The following OOEP variants were observed in gnomAD, a reference collection of about 807,000 sequenced individuals.
The protein encoded by OOEP is oocyte expressed protein.
OOEP carries 16 observed loss-of-function variants against 13.7 expected under a neutral mutation model. The ratio of observed to expected loss-of-function variants is 1.16; its 90% CI spans 0.79 to 1.77. OOEP has a LOEUF of 1.77. Among genes scored for constraint, OOEP ranks in the 40% most tolerant of loss-of-function variants. The pLI is 0.00. For missense variants in OOEP, 195 were observed against 193.1 expected (o/e 1.01, Z -0.06); for synonymous variants, 89 against 77.1 (o/e 1.15, Z -0.81).
chr6:73,385,014 G>A (rs1030328009), intron 2 of OOEP, among the ~76,000 whole-genome samples: 1 of 150,214 alleles, frequency 6.7e-6, no homozygotes, highest in Non-Finnish European at 1.5e-5. Flanking sequence ...TGGGATTACA[G>A]GTGTAGCCAC....
At chr6:73,381,203 G>GT (rs1279584210) in intron 2 of OOEP, among the ~76,000 whole-genome samples, 1 of 37,774 alleles carries the variant, frequency 2.6e-5, no homozygotes, top group East Asian at 6.6e-4. Flanking sequence ...ACAAAAAAGT[G>GT]TTAAAAAAAA....
intron 2 of OOEP, among the ~76,000 whole-genome samples, chr6:73,376,341 GTTGTT>G (rs1562278076): frequency 2.9e-5 from 2 of 67,908 alleles, no homozygotes; most frequent in Non-Finnish European, 2.5e-5. Flanking sequence ...TGGACAAGGG[GTTGTT>G]TTTTTTTTTT....
rs760976138 is a variant in OOEP, at chr6:73,369,583, G to A, written c.190+20C>T. On this transcript the variant is annotated intron_variant, in intron 1 of 2. Transcript: ENST00000370359. Reference sequence around the variant, plus strand: ...CAGACTGGAGGTGGACAGCCCACTAGCACACCTGGGGTCGCTCACCAAAGA... The same window carrying A: ...CAGACTGGAGGTGGACAGCCCACTAACACACCTGGGGTCGCTCACCAAAGA... 2 of 1,609,042 alleles carry A rather than the reference G, an allele frequency of 1.2e-6. No individual in the cohort carries two copies. The highest frequency in any genetic ancestry group is 2.2e-5 in the East Asian group (1 of 44,794).
At chr6:73,385,130 A>C (rs1055518267) in intron 2 of OOEP, among the ~76,000 whole-genome samples, 1 of 151,568 alleles carries the variant, frequency 6.6e-6, no homozygotes, top group Non-Finnish European at 1.5e-5. Context: ...GCAGATCACT[A>C]GGTCAGGAGA....
intron 2 of OOEP, among the ~76,000 whole-genome samples, chr6:73,388,710 C>T (rs1057439171): frequency 6.6e-6 from 1 of 152,236 alleles, no homozygotes; most frequent in Non-Finnish European, 1.5e-5. Context: ...GGGATACCCA[C>T]ATCCATCTCA....
exon 1 of OOEP, chr6:73,394,848 C>T: frequency 6.3e-7 from 1 of 1,586,352 alleles, no homozygotes; most frequent in South Asian, 1.2e-5. Context: ...TACGACGTCA[C>T]GGTCAGGTGG....
chr6:73,371,595 A>G, upstream of OOEP, among the ~76,000 whole-genome samples: 1 of 151,990 alleles, frequency 6.6e-6, no homozygotes, highest in East Asian at 1.9e-4. Flanking sequence ...CTAAAAATAC[A>G]AAAGATTAGC....
chr6:73,387,650 G>C (rs1171919806), intron 2 of OOEP: 1 of 151,976 alleles, frequency 6.6e-6, no homozygotes, highest in Non-Finnish European at 1.5e-5. Context: ...GGAGTGTAGT[G>C]GCGTGGTGTT....
intron 2 of OOEP, among the ~76,000 whole-genome samples, chr6:73,379,657 A>AAAAG (rs59726483): frequency 0.68 from 75,176 of 110,954 alleles, 28,246 homozygotes; most frequent in South Asian, 0.83. Flanking sequence ...AAAAAAAAAA[A>AAAAG]AAAAGTGGCC....
In OOEP at chr6:73,394,375, G is replaced by A. The variant is rs149183070; in HGVS notation, c.-5C>T. 4.9e-4 allele frequency: 350 copies of A among 715,100 alleles called. 2 individuals are homozygous for A. In the African/African-American group the frequency reaches 5.4e-3, roughly 11 times the overall value. 44.3% of individuals were successfully genotyped at this position (715,100 alleles called of 1,614,324 possible). Reference sequence around the variant, plus strand: ...ATGGGTCACGGTTGAAAACATTTCCGGTGCAGTGGCTGACTGTAATCCCAG... The same window carrying A: ...ATGGGTCACGGTTGAAAACATTTCCAGTGCAGTGGCTGACTGTAATCCCAG... On this transcript the variant is annotated 5_prime_UTR_variant, in exon 2 of 4. Coordinates refer to the OOEP transcript ENST00000370363.
chr6:73,370,793 A>G (rs374810362), upstream of OOEP, among the ~76,000 whole-genome samples: 2 of 151,690 alleles, frequency 1.3e-5, no homozygotes, highest in Admixed American at 6.6e-5. Context: ...TAAAACTTCT[A>G]TTTTTCTGAG....
intron 2 of OOEP, among the ~76,000 whole-genome samples, chr6:73,382,130 C>G (rs954260032): frequency 1.3e-5 from 2 of 151,852 alleles, no homozygotes; most frequent in Non-Finnish European, 2.9e-5. Context: ...TCACTGCAGC[C>G]TTAACCTCCC....
At chr6:73,394,791 C>G (rs1292366159) in exon 1 of OOEP, 3 of 1,464,460 alleles carry the variant, frequency 2.0e-6, no homozygotes, top group Non-Finnish European at 9.1e-7. Context: ...TAGCCTCGTG[C>G]GGGCTCCTTA....
chr6:73,368,744 G>T lies in OOEP; in HGVS notation c.*40C>A. The T allele has an allele frequency of 7.2e-7, 1 of 1,389,988 alleles. No individual in the cohort carries two copies. Among genetic ancestry groups the T allele is most frequent in the Non-Finnish European group, 1.0e-6 (1 of 976,396 alleles). 86.1% of individuals were successfully genotyped at this position (1,389,988 alleles called of 1,614,324 possible). A position where few individuals can be genotyped will look rare whatever the true frequency, so the allele number is the denominator to read the frequency against. ...CTTTTCTTCAACTTTAGCAGCAAAAGTTAGAAAGTTAAGATGTTCCCAACA... is the reference window on the plus strand; with the variant it reads ...CTTTTCTTCAACTTTAGCAGCAAAATTTAGAAAGTTAAGATGTTCCCAACA... On this transcript the variant is annotated 3_prime_UTR_variant, in exon 3 of 3. Transcript: ENST00000370359.
exon 1 of OOEP, chr6:73,394,811 T>C: frequency 1.3e-6 from 2 of 1,536,014 alleles, no homozygotes; most frequent in South Asian, 1.3e-5. Flanking sequence ...AAGTAGCGGC[T>C]GCGTGGCTTC....
chr6:73,393,814 CAAAAG>C (rs531999932), intron 2 of OOEP, among the ~76,000 whole-genome samples: 23 of 152,260 alleles, frequency 1.5e-4, no homozygotes, highest in South Asian at 2.1e-4. Flanking sequence ...AAAAACAAAA[CAAAAG>C]AAAACAAACA....
chr6:73,386,995 AAAAAAAAAG>A (rs1769282485), intron 2 of OOEP, among the ~76,000 whole-genome samples: 1 of 149,248 alleles, frequency 6.7e-6, no homozygotes, highest in Admixed American at 6.8e-5. Context: ...AAAAAAAAAA[AAAAAAAAAG>A]AACAGCAGAG....
exon 1 of OOEP, chr6:73,394,799 T>G: frequency 1.3e-6 from 2 of 1,515,020 alleles, no homozygotes; most frequent in African/African-American, 1.4e-5. Flanking sequence ...TGCGGGCTCC[T>G]TAAGTAGCGG....
Position 73,369,305 on chromosome 6 carries a change from G to A in OOEP, c.271C>T (p.Leu91=). The A allele has an allele frequency of 3.1e-6, 5 of 1,613,882 alleles. No individual in the cohort carries two copies. Among genetic ancestry groups the A allele is most frequent in the Non-Finnish European group, 4.2e-6 (5 of 1,179,862 alleles). The stretch of plus-strand genomic sequence containing the variant: ...CGCCCGAAAACGGTGATTTCGACTA[G>A]GTTCCCTGAGTCCACTATGTCCACT... The part of the protein sequence containing the change: ...LTVDIVDSGN[L]VEITVFGRPR... The change falls in exon 2 of 3, where the codon CTA becomes TTA. Residue 91 remains leucine (L), a synonymous_variant. Transcript: ENST00000370359.
Sources: gnomAD v4.1 joint callset for allele counts (sites outside exome capture counted in the v4.1 genomes callset) on GRCh38, gnomAD v4.1.1 for gene constraint, MANE v1.5 for transcripts, NCBI Gene and HGNC (gene_info 2026-07-23, HGNC 2026-07-21) for gene names.